Variants in MDN1 observed in about 807,000 individuals in gnomAD.
MDN1 encodes the protein midasin AAA ATPase 1, also known as midasin.
MDN1 carries 266 observed loss-of-function variants against 669.2 expected under a neutral mutation model. That is an observed-to-expected ratio of 0.40 (90% CI 0.36 to 0.44). MDN1 has a LOEUF of 0.44. Ranked by LOEUF, MDN1 falls within the 20% of genes least tolerant of loss-of-function variation. MDN1 has a pLI of 1.00. For synonymous variants in MDN1, 2,385 were observed against 2,457.1 expected, an observed-to-expected ratio of 0.97 and a Z score of 0.87; for missense variants, 5,940 against 6,754.0, an observed-to-expected ratio of 0.88 and a Z score of 4.22.
In MDN1 at chr6:89,707,276, G is replaced by A. The variant is rs1584237193; in HGVS notation, c.8014+85C>T. 21 of 924,396 alleles carry A rather than the reference G, an allele frequency of 2.3e-5. No homozygotes were observed. The East Asian group carries it at 5.2e-4, about 23-fold the overall frequency. 57.3% of individuals were successfully genotyped at this position (924,396 alleles called of 1,614,324 possible). A position where few individuals can be genotyped will look rare whatever the true frequency, so the allele number is the denominator to read the frequency against. ...GATTAAAAGAAACCAGTAAACAACAGCAGCTGCTGAATATGCCTCTCAACT... is the reference window on the plus strand; with the variant it reads ...GATTAAAAGAAACCAGTAAACAACAACAGCTGCTGAATATGCCTCTCAACT... On this transcript the variant is annotated intron_variant, in intron 52 of 101. Transcript: ENST00000369393.
intron 13 of MDN1, among the ~76,000 whole-genome samples, chr6:89,773,693 C>T (rs1015709094): frequency 2.6e-5 from 4 of 151,798 alleles, no homozygotes; most frequent in African/African-American, 7.3e-5. Flanking sequence ...GGCCAGGCAC[C>T]GTGGCTCAGG....
At chr6:89,813,241 A>C (rs999122242) in intron 1 of MDN1, among the ~76,000 whole-genome samples, 1 of 152,116 alleles carries the variant, frequency 6.6e-6, no homozygotes, top group Non-Finnish European at 1.5e-5. Flanking sequence ...CCGGCCACAA[A>C]ATTTTTTTTA....
Position 89,782,226 on chromosome 6 carries a change from A to G in MDN1, c.1450-634T>C, listed in dbSNP as rs1319137818. ...GCAACCAACTCTAAAGAATTTATTC[A>G]TTAAAGAATTCTTAAATTACTATTT... On this transcript the variant is annotated intron_variant, in intron 9 of 101. Coordinates refer to ENST00000369393, the MANE Select transcript of MDN1 (RefSeq NM_014611.3). Among the ~76,000 whole-genome samples the G allele has an allele frequency of 3.3e-5, 5 of 152,360 alleles. No homozygotes were observed. The South Asian group carries it at 1.0e-3, about 32-fold the overall frequency.
intron 15 of MDN1, among the ~76,000 whole-genome samples, chr6:89,770,548 A>T (rs909219386): frequency 1.3e-5 from 2 of 152,172 alleles, no homozygotes; most frequent in African/African-American, 4.8e-5. Flanking sequence ...CAAGGTAGAA[A>T]GCCTGGAGTG....
intron 46 of MDN1, 33 bp from the exon 47 acceptor site, chr6:89,713,329 A>G: frequency 6.4e-7 from 1 of 1,553,494 alleles, no homozygotes. Context: ...TATAAACAAT[A>G]GAGTCTTTAA....
At position 89,761,648 on chromosome 6, in the gene MDN1, T is replaced by C. The variant is rs1378356428; in HGVS notation, c.2457A>G (p.Val819=). 3 of 1,603,714 alleles carry C rather than the reference T, an allele frequency of 1.9e-6. No homozygotes were observed. The highest frequency in any genetic ancestry group is 2.6e-6 in the Non-Finnish European group (3 of 1,173,786). The change falls in exon 17 of 102, where the codon GTA becomes GTG. Residue 819 remains valine (V), a synonymous_variant. Transcript: ENST00000369393. ...MTENTLLFAF[V]EGTLAQAVKK... ...TAAATAACAAAAACAGAAATACCTC[T>C]ACAAATGCGAACAATAAGGTATTTT...
intron 1 of MDN1, among the ~76,000 whole-genome samples, chr6:89,817,878 T>C (rs368683032): frequency 3.9e-5 from 6 of 152,260 alleles, no homozygotes; most frequent in African/African-American, 1.2e-4. Flanking sequence ...ACAGAATGCT[T>C]AGCAGCGTCC....
At chr6:89,659,539 T>G (rs1336793677) in intron 88 of MDN1, among the ~76,000 whole-genome samples, 2 of 152,222 alleles carry the variant, frequency 1.3e-5, no homozygotes, top group Non-Finnish European at 2.9e-5. Flanking sequence ...TCTGACACTT[T>G]ATAGAAAATG....
chr6:89,748,283 G>A lies in MDN1; in HGVS notation c.3763-813C>T, dbSNP rs376863935. 6.2e-4 allele frequency among the ~76,000 whole-genome samples: 94 copies of A among 152,260 alleles called. No individual in the cohort carries two copies. In the East Asian group the frequency reaches 0.016, roughly 26 times the overall value. On this transcript the variant is annotated intron_variant, in intron 26 of 101. Transcript: ENST00000369393. ...GGAGGTTGCAGTGAGCTGAGATAGC[G>A]CCACTGCACTCCAGCCTGGCGACAG...
chr6:89,728,922 C>G lies in MDN1; in HGVS notation c.5349+9G>C, dbSNP rs762620874. ...CTATCTCCATCAGCTGTAGGATGAC[C>G]GAGCTTACCGTTTGCTCTGATAAGT... is the stretch of plus-strand genomic sequence containing the variant. On this transcript the variant is annotated intron_variant, in intron 36 of 101. Coordinates refer to ENST00000369393, the MANE Select transcript of MDN1 (RefSeq NM_014611.3). 3.7e-6 allele frequency: 6 copies of G among 1,612,028 alleles called. No homozygotes were observed. The highest frequency in any genetic ancestry group is 5.1e-6 in the Non-Finnish European group (6 of 1,178,744).
chr6:89,756,301 T>C lies in MDN1; in HGVS notation c.2792A>G (p.Lys931Arg). 2.5e-6 allele frequency: 4 copies of C among 1,589,648 alleles called. No individual in the cohort carries two copies. Among genetic ancestry groups the C allele is most frequent in the Non-Finnish European group, 3.4e-6 (4 of 1,166,478 alleles). The change falls in exon 20 of 102, where the codon AAG (lysine) becomes AGG (arginine). Residue 931 changes from lysine (K) to arginine (R), a missense_variant. By Grantham distance (26) the Lys-to-Arg change is conservative (BLOSUM62 2). Around this residue, in one of 5 missense-constraint regions of MDN1, gnomAD observed 1,203 missense variants for 1,268.9 expected, o/e 0.95. Coordinates refer to ENST00000369393, the MANE Select transcript of MDN1 (RefSeq NM_014611.3). ...VDYLKGLSVN[K>R]NTVQGIINFY... ...CTTTATGATTCCTTGCACTGTATTC[T>C]TGTTCACACTCAATCCTTTCAGATA...
intron 70 of MDN1, among the ~76,000 whole-genome samples, 197 bp from the exon 71 acceptor site, chr6:89,685,182 C>T (rs1811923060): frequency 6.6e-6 from 1 of 152,010 alleles, no homozygotes. Context: ...TGTCAACACT[C>T]CCCTATTTTT....
intron 15 of MDN1, among the ~76,000 whole-genome samples, chr6:89,765,877 T>A (rs1817780766): frequency 6.6e-6 from 1 of 152,232 alleles, no homozygotes; most frequent in Admixed American, 6.5e-5. Flanking sequence ...GCCTGGCACA[T>A]AATGACTGCC....
chr6:89,794,429 T>C, intron 3 of MDN1, 148 bp downstream of exon 3: 1 of 765,340 alleles, frequency 1.3e-6, no homozygotes, highest in Non-Finnish European at 2.1e-6. Context: ...TGACACATGA[T>C]TAAAGAAAGG....
chr6:89,684,775 C>A, intron 71 of MDN1, 101 bp downstream of exon 71: 1 of 702,768 alleles, frequency 1.4e-6, no homozygotes, highest in East Asian at 2.7e-5. Context: ...CCTCTATTCC[C>A]CTAGGTCCCT....
At chr6:89,678,075 C>T (rs1811344009) in intron 75 of MDN1, among the ~76,000 whole-genome samples, 1 of 152,130 alleles carries the variant, frequency 6.6e-6, no homozygotes, top group Non-Finnish European at 1.5e-5. Flanking sequence ...AGATTGAGAC[C>T]ATCCTGGCTA....
intron 98 of MDN1, 53 bp from the exon 99 acceptor site, chr6:89,648,199 A>G (rs1808609919): frequency 2.8e-5 from 45 of 1,609,540 alleles, no homozygotes; most frequent in Non-Finnish European, 3.8e-5. Flanking sequence ...CTGTGTGATC[A>G]AAATAACCAA....
Position 89,648,287 on chromosome 6 carries a change from G to A in MDN1, c.16249C>T (p.Leu5417Phe). The A allele has an allele frequency of 6.2e-7, 1 of 1,614,170 alleles. No homozygotes were observed. Among genetic ancestry groups the A allele is most frequent in the Non-Finnish European group, 8.5e-7 (1 of 1,180,014 alleles). Residue 5417 changes from leucine (L) to phenylalanine (F), a missense_variant, in exon 98 of 102, where the codon CTC becomes TTC. Physicochemically the swap from Leu to Phe is conservative, Grantham distance 22. Around this residue, in one of 5 missense-constraint regions of MDN1, gnomAD observed 2,280 missense variants for 2,576.3 expected, o/e 0.88. Transcript: ENST00000369393. ...ACTGCAATCTGACCCACTTCCAGGAGGGTTAGAGCATTTCCAATCACAGCC... is the reference window on the plus strand; with the variant it reads ...ACTGCAATCTGACCCACTTCCAGGAAGGTTAGAGCATTTCCAATCACAGCC... Reference protein sequence around the residue: ...SLAVIGNALTLLEVGQIAVCS... With the variant: ...SLAVIGNALTFLEVGQIAVCS...
chr6:89,718,090 TAAA>T lies in MDN1; in HGVS notation c.6583+273_6583+275del, dbSNP rs1814531933. ...TGAGTAAAAAAATAGCCAGTAATAA[TAAA>T]AGTTTTACATGCTGTTTTATCATTA... On this transcript the variant is annotated intron_variant, in intron 43 of 101. Coordinates refer to ENST00000369393, the MANE Select transcript of MDN1 (RefSeq NM_014611.3). Among the ~76,000 whole-genome samples, 3 of 152,210 alleles carry T rather than the reference TAAA, an allele frequency of 2.0e-5. No individual in the cohort carries two copies. The South Asian group carries it at 6.2e-4, about 32-fold the overall frequency.
Sources: allele counts gnomAD v4.1 joint callset (sites outside exome capture counted in the v4.1 genomes callset), GRCh38; gene constraint gnomAD v4.1.1; regional missense constraint gnomAD v4.1.1; transcripts MANE v1.5; gene names NCBI Gene and HGNC (gene_info 2026-07-23, HGNC 2026-07-21).